Variants in GPHN observed in about 807,000 individuals in gnomAD.
GPHN encodes gephyrin.
Under a neutral mutation model 95.5 loss-of-function variants are expected in GPHN, and 17 were observed. That is an observed-to-expected ratio of 0.18 (90% confidence interval 0.12 to 0.27). The LOEUF (loss-of-function observed/expected upper bound fraction) is 0.27. GPHN is among the 10% of genes least tolerant of loss of function. The pLI, the probability that GPHN is intolerant of heterozygous loss-of-function variation, is 1.00. For missense variants in GPHN, 660 were observed against 978.1 expected, an observed-to-expected ratio of 0.67 and a Z score of 4.34; for synonymous variants, 320 against 322.5, an observed-to-expected ratio of 0.99 and a Z score of 0.08.
chr14:67,379,642 T>TTTTTTC, the GPHN span, among the ~76,000 whole-genome samples: 2 of 145,462 alleles, frequency 1.4e-5, no homozygotes, highest in South Asian at 2.2e-4. Flanking sequence ...ATAACTTTCT[T>TTTTTTC]TTTTTCTTTT....
chr14:67,108,969 G>A (rs1434178151), intron 13 of GPHN, among the ~76,000 whole-genome samples: 1 of 152,036 alleles, frequency 6.6e-6, no homozygotes, highest in Admixed American at 6.6e-5. Flanking sequence ...CAATTTTCTT[G>A]TTGTCCGACC....
At chr14:67,584,898 A>G in the GPHN span, among the ~76,000 whole-genome samples, 2 of 152,372 alleles carry the variant, frequency 1.3e-5, no homozygotes, top group South Asian at 4.1e-4. Flanking sequence ...AAAGGCATAT[A>G]ACAGGGACCC....
the GPHN span, among the ~76,000 whole-genome samples, chr14:67,187,292 T>G: frequency 6.6e-6 from 1 of 152,214 alleles, no homozygotes; most frequent in Non-Finnish European, 1.5e-5. Context: ...CACCTCATTC[T>G]TTCTGCCTCC....
At chr14:66,534,511 A>G (rs940164592) in intron 1 of GPHN, among the ~76,000 whole-genome samples, 2 of 151,996 alleles carry the variant, frequency 1.3e-5, no homozygotes, top group African/African-American at 4.8e-5. Context: ...GTTAATGGAC[A>G]TTTGAATTGT....
At chr14:67,473,539 G>A in the GPHN span, 8 of 1,613,918 alleles carry the variant, frequency 5.0e-6, no homozygotes, top group African/African-American at 2.7e-5. The surrounding 1 kb of genome is among the most constrained non-coding windows in gnomAD (Gnocchi z 6.5). Flanking sequence ...TCCATGATGA[G>A]GGCCCCGCAG....
chr14:67,561,999 G>A, the GPHN span: 1 of 1,613,900 alleles, frequency 6.2e-7, no homozygotes, highest in Non-Finnish European at 8.5e-7. Flanking sequence ...TCAGCGCCTG[G>A]TGGAGCAGGT....
intron 2 of GPHN, among the ~76,000 whole-genome samples, chr14:66,723,399 TAA>T (rs1257994393): frequency 1.6e-5 from 2 of 126,454 alleles, no homozygotes; most frequent in Non-Finnish European, 3.0e-5. Context: ...TGAAAGTTTA[TAA>T]GTTAACGTGC....
the GPHN span, among the ~76,000 whole-genome samples, chr14:67,400,440 T>C: frequency 6.6e-6 from 1 of 152,232 alleles, no homozygotes; most frequent in African/African-American, 2.4e-5. Context: ...GATTTGTCTT[T>C]GACTTCTCAG....
chr14:66,539,394 G>C (rs2059264030), intron 1 of GPHN, among the ~76,000 whole-genome samples: 1 of 148,496 alleles, frequency 6.7e-6, no homozygotes, highest in Non-Finnish European at 1.5e-5. Context: ...AAAAAGCTCA[G>C]CTGCTTTCTA....
intron 2 of GPHN, among the ~76,000 whole-genome samples, chr14:66,685,023 G>A (rs1397759786): frequency 2.0e-5 from 3 of 152,124 alleles, no homozygotes; most frequent in Non-Finnish European, 2.9e-5. Context: ...ACTTGGGATG[G>A]TTTGCTGAGA....
At chr14:67,315,618 G>A in the GPHN span, among the ~76,000 whole-genome samples, 1 of 152,164 alleles carries the variant, frequency 6.6e-6, no homozygotes, top group Non-Finnish European at 1.5e-5. Context: ...TCTAGTAATA[G>A]TTACTTGTAC....
At chr14:67,141,710 C>A (rs760434216) in intron 17 of GPHN, among the ~76,000 whole-genome samples, 5 of 152,182 alleles carry the variant, frequency 3.3e-5, no homozygotes, top group South Asian at 2.1e-4. Context: ...TGCTATGCCA[C>A]CTCCTGACTA....
intron 5 of GPHN, among the ~76,000 whole-genome samples, chr14:66,882,747 C>G (rs1280842082): frequency 6.6e-6 from 1 of 151,208 alleles, no homozygotes; most frequent in Non-Finnish European, 1.5e-5. Context: ...CTGGTGAAAC[C>G]TTTTCGTAGC....
the GPHN span, among the ~76,000 whole-genome samples, chr14:67,438,358 T>G: frequency 1.3e-5 from 2 of 152,206 alleles, no homozygotes; most frequent in African/African-American, 4.8e-5. Flanking sequence ...AGTTCCCTTC[T>G]CTGAGAATTG....
chr14:67,414,575 C>T, the GPHN span, among the ~76,000 whole-genome samples: 7 of 152,256 alleles, frequency 4.6e-5, no homozygotes, highest in Non-Finnish European at 1.0e-4. Context: ...AGCTCCTCCC[C>T]TTTTTGTCCC....
intron 9 of GPHN, among the ~76,000 whole-genome samples, chr14:66,981,921 AC>A (rs1458381560): frequency 6.6e-6 from 1 of 152,146 alleles, no homozygotes; most frequent in Non-Finnish European, 1.5e-5. Context: ...ACTTCTCCAG[AC>A]CTTGGTTCCC....
At chr14:67,400,466 A>C in the GPHN span, among the ~76,000 whole-genome samples, 1 of 152,210 alleles carries the variant, frequency 6.6e-6, no homozygotes, top group East Asian at 1.9e-4. Flanking sequence ...GGGGTTCTCT[A>C]CTGCTCTGCA....
chr14:66,735,408 A>T (rs1179263680), intron 2 of GPHN, among the ~76,000 whole-genome samples: 2 of 152,190 alleles, frequency 1.3e-5, no homozygotes, highest in Admixed American at 1.3e-4. Flanking sequence ...ATCCAATATG[A>T]TTCAAAGGTT....
At chr14:66,682,561 C>T (rs537350219) in intron 2 of GPHN, among the ~76,000 whole-genome samples, 69 of 152,120 alleles carry the variant, frequency 4.5e-4, no homozygotes, top group Non-Finnish European at 8.8e-4. Flanking sequence ...ACCATCCTGG[C>T]CAACATGGTG....
Sources: allele counts gnomAD v4.1 joint callset (sites outside exome capture counted in the v4.1 genomes callset), GRCh38; gene constraint gnomAD v4.1.1; non-coding constraint Gnocchi (gnomAD v3.1); transcripts MANE v1.5; gene names NCBI Gene and HGNC (gene_info 2026-07-23, HGNC 2026-07-21).